The following PTCH2 variants were observed in gnomAD, a reference collection of about 807,000 sequenced individuals.
The protein encoded by PTCH2 is patched 2, also known as protein patched homolog 2.
A neutral mutation model predicts 117.9 loss-of-function variants in PTCH2; 96 were observed. The observed-to-expected ratio is 0.81, with a 90% CI of 0.69 to 0.96. The LOEUF (loss-of-function observed/expected upper bound fraction) is 0.96. Among genes scored for constraint, PTCH2 ranks in the 50% least tolerant of loss-of-function variants. The pLI is 0.00. For missense variants in PTCH2, 1,379 were observed against 1,562.5 expected, an observed-to-expected ratio of 0.88 and a Z score of 1.98; for synonymous variants, 615 against 660.9, an observed-to-expected ratio of 0.93 and a Z score of 1.06.
intron 19 of PTCH2, among the ~76,000 whole-genome samples, chr1:44,825,457 C>A (rs1368218805): frequency 6.6e-6 from 1 of 152,110 alleles, no homozygotes; most frequent in Non-Finnish European, 1.5e-5. Context: ...TATCTCTATC[C>A]CTAGAATATA....
chr1:44,840,189 G>A (rs932691357), intron 2 of PTCH2, among the ~76,000 whole-genome samples: 6 of 147,510 alleles, frequency 4.1e-5, no homozygotes, highest in African/African-American at 1.3e-4. Context: ...TGCAACCTCC[G>A]CCTCCCAGGT....
Position 44,823,680 on chromosome 1 carries a change from T to C in PTCH2, c.3115-295A>G, listed in dbSNP as rs543710696. On this transcript the variant is annotated intron_variant, in intron 19 of 21. Transcript: ENST00000372192. The surrounding 1 kb of genome is among the most constrained non-coding windows in gnomAD (Gnocchi z 5.1). ...AAGCCCGGGCACGGTGGCTCATGCC[T>C]GTAATCCCAGCACTTTGGGAGGCTG... Among the ~76,000 whole-genome samples, 1 of 152,008 alleles carries C rather than the reference T, an allele frequency of 6.6e-6. No individual in the cohort carries two copies. Among genetic ancestry groups the C allele is most frequent in the East Asian group, 1.9e-4 (1 of 5,162 alleles).
chr1:44,840,389 C>T (rs866907076), intron 2 of PTCH2, among the ~76,000 whole-genome samples: 2 of 147,048 alleles, frequency 1.4e-5, no homozygotes, highest in Non-Finnish European at 3.0e-5. Context: ...CGTGAGCCAC[C>T]GTGCCTGGCC....
rs564259198 is a variant in PTCH2 at position 44,830,477 on chromosome 1, C to T, written c.813+371G>A. ...AATTAGCCGGGCATGGTGGTGGGCA[C>T]CTGTAATCCCAGCTACTCAGGAGGC... is the stretch of plus-strand genomic sequence containing the variant. On this transcript the variant is annotated intron_variant, in intron 6 of 21. Transcript: ENST00000372192. 2.0e-5 allele frequency among the ~76,000 whole-genome samples: 3 copies of T among 151,568 alleles called. No individual in the cohort carries two copies. The East Asian group carries it at 5.8e-4, about 29-fold the overall frequency.
rs1653222958 is a variant in PTCH2, at chr1:44,827,636, G to C, written c.2137C>G (p.Leu713Val). The part of the protein sequence containing the change: ...GATLVQDGLA[L>V]TDVVPRGTKE... ...GTGCCCCGAGGCACCACATCCGTCA[G>C]GGCCAGGCCGTCTTGCACCAAGGTG... The change falls in exon 15 of 22, where the codon CTG (leucine) becomes GTG (valine). Residue 713 changes from leucine to valine, a missense_variant. Physicochemically the swap from Leu to Val is conservative, Grantham distance 32. Coordinates refer to ENST00000372192, the MANE Select transcript of PTCH2 (RefSeq NM_003738.5). 2.5e-6 allele frequency: 4 copies of C among 1,613,484 alleles called. No homozygotes were observed. Among genetic ancestry groups the C allele is most frequent in the Non-Finnish European group, 1.7e-6 (2 of 1,180,036 alleles).
In PTCH2 at chr1:44,823,347, G is replaced by C. The variant is rs369544360; in HGVS notation, c.3153C>G (p.Ala1051=). Residue 1051 remains alanine (A), a synonymous_variant, in exon 20 of 22, where the codon GCC becomes GCG. Transcript: ENST00000372192. The surrounding 1 kb of genome is among the most constrained non-coding windows in gnomAD (Gnocchi z 5.1). ...LTTQGSRNLR[A]AHALEHTFAP... is the part of the protein sequence containing the mutation. ...CAAATGTGTGCTCAAGGGCATGGGCGGCCCGCAGGTTCCGGCTGCCCTGGG... is the reference window on the plus strand; with the variant it reads ...CAAATGTGTGCTCAAGGGCATGGGCCGCCCGCAGGTTCCGGCTGCCCTGGG... 1 of 1,614,096 alleles carries C rather than the reference G, an allele frequency of 6.2e-7. No homozygotes were observed. The highest frequency in any genetic ancestry group is 1.3e-5 in the African/African-American group (1 of 74,932).
downstream of PTCH2, chr1:44,820,674 G>C (rs1186546731): frequency 2.8e-6 from 2 of 717,720 alleles, no homozygotes; most frequent in Admixed American, 4.0e-5. Flanking sequence ...GGGGTGCTGG[G>C]GTGGGAGGCA....
chr1:44,822,529 T>G lies in PTCH2; in HGVS notation c.3498A>C (p.Pro1166=), dbSNP rs1573638236. The change falls in exon 22 of 22, where the codon CCA becomes CCC. Residue 1166 remains proline, a synonymous_variant. Coordinates refer to ENST00000372192, the MANE Select transcript of PTCH2 (RefSeq NM_003738.5). ...VTTSMTVAIH[P]PPLPGAYIHP... is the part of the protein sequence containing the mutation. ...GGATGTAGGCACCAGGCAGGGGGGG[T>G]GGGTGGATGGCCACGGTCATGGAGG... is the stretch of plus-strand genomic sequence containing the variant. 1.2e-6 allele frequency: 2 copies of G among 1,612,384 alleles called. No homozygotes were observed. Among genetic ancestry groups the G allele is most frequent in the South Asian group, 1.1e-5 (1 of 90,996 alleles).
chr1:44,828,266 G>A lies in PTCH2; in HGVS notation c.1709+30C>T, dbSNP rs371653887. 3.8e-5 allele frequency: 62 copies of A among 1,613,186 alleles called. 1 individual carries two copies. Among genetic ancestry groups the A allele is most frequent in the Middle Eastern group, 3.3e-4 (2 of 6,060 alleles). On this transcript the variant is annotated intron_variant, in intron 13 of 21. Coordinates refer to ENST00000372192, the MANE Select transcript of PTCH2 (RefSeq NM_003738.5). ...GAGGGGACAGGCTGGCGTGGGTCACGGGAGGAAGGGGCTGGGGCGCAGGCA... is the reference window on the plus strand; with the variant it reads ...GAGGGGACAGGCTGGCGTGGGTCACAGGAGGAAGGGGCTGGGGCGCAGGCA...
rs111471526 is a variant in PTCH2, at chr1:44,827,254, C to T, written c.2427G>A (p.Ser809=). The change falls in exon 16 of 22, where the codon TCG becomes TCA. Residue 809 remains serine (S), a synonymous_variant. Transcript: ENST00000372192. ...DWASGRITRH[S]YRNGSEDGAL... is the part of the protein sequence containing the mutation. Reference sequence around the variant, plus strand: ...CCCCATCCTCAGAGCCATTGCGGTACGAGTGGCGGGTGATGCGCCCAGAAG... The same window carrying T: ...CCCCATCCTCAGAGCCATTGCGGTATGAGTGGCGGGTGATGCGCCCAGAAG... 8.1e-6 allele frequency: 13 copies of T among 1,614,022 alleles called. No individual in the cohort carries two copies. Among genetic ancestry groups the T allele is most frequent in the African/African-American group, 8.0e-5 (6 of 74,940 alleles).
At position 44,826,921 on chromosome 1, in the gene PTCH2, G is replaced by C; in HGVS notation, c.2676C>G (p.Thr892=). Residue 892 remains threonine, a synonymous_variant, in exon 17 of 22, where the codon ACC becomes ACG. Coordinates refer to ENST00000372192, the MANE Select transcript of PTCH2 (RefSeq NM_003738.5). This position sits in a 1 kb window ranked among gnomAD's most constrained non-coding sequence, Gnocchi z 5.1. ...PPEWLHDKYD[T]TGENLRIPPA... ...ACTCACTGCGAAGGTTCTCCCCCGT[G>C]GTGTCGTATTTGTCGTGCAGCCATT... 1 of 1,614,028 alleles carries C rather than the reference G, an allele frequency of 6.2e-7. No individual in the cohort carries two copies. The highest frequency in any genetic ancestry group is 1.1e-5 in the South Asian group (1 of 91,084).
At chr1:44,821,176 G>A (rs1396016885), downstream of PTCH2, among the ~76,000 whole-genome samples, 2 of 152,248 alleles carry the variant, frequency 1.3e-5, no homozygotes, top group East Asian at 3.9e-4. Context: ...TGGCTGGGAA[G>A]GGGCAGTTGC....
rs780375153 is a variant in PTCH2 at position 44,828,197 on chromosome 1, A to G, written c.1710-6T>C. 3.1e-6 allele frequency: 5 copies of G among 1,613,360 alleles called. No individual in the cohort carries two copies. Among genetic ancestry groups the G allele is most frequent in the East Asian group, 2.2e-5 (1 of 44,890 alleles). On this transcript the variant is annotated splice_polypyrimidine_tract_variant and splice_region_variant and intron_variant, in intron 13 of 21. Transcript: ENST00000372192. ...TCACCTGAGCAGAGCAGGGACTGGAAGAGGTAGAGAGTGGATGACAGGTCT... is the reference window on the plus strand; with the variant it reads ...TCACCTGAGCAGAGCAGGGACTGGAGGAGGTAGAGAGTGGATGACAGGTCT...
At chr1:44,840,431 C>G (rs542768528) in intron 2 of PTCH2, among the ~76,000 whole-genome samples, 1 of 144,134 alleles carries the variant, frequency 6.9e-6, no homozygotes, top group Admixed American at 6.8e-5. Flanking sequence ...ATCATTCTGG[C>G]CAGGCACGGT....
At chr1:44,827,132 C>A (rs1168610189) in intron 16 of PTCH2, 35 bp downstream of exon 16, 10 of 1,613,888 alleles carry the variant, frequency 6.2e-6, no homozygotes, top group Non-Finnish European at 7.6e-6. Flanking sequence ...GCCTGCAGCC[C>A]CTGTACTAGT....
rs754069411 is a variant in PTCH2 at position 44,827,148 on chromosome 1, C to G, written c.2514+19G>C. 2.5e-6 allele frequency: 4 copies of G among 1,614,020 alleles called. No individual in the cohort carries two copies. ...CCTGCAGCCCCTGTACTAGTGGACCCCTCCAGCCCTCTCCCAACCTGGCTG... is the reference window on the plus strand; with the variant it reads ...CCTGCAGCCCCTGTACTAGTGGACCGCTCCAGCCCTCTCCCAACCTGGCTG... On this transcript the variant is annotated intron_variant, in intron 16 of 21. Transcript: ENST00000372192.
rs1653413707 is a variant in PTCH2 at position 44,830,847 on chromosome 1, C to A, written c.813+1G>T. On this transcript the variant is annotated splice_donor_variant, in intron 6 of 21. Coordinates refer to ENST00000372192, the MANE Select transcript of PTCH2 (RefSeq NM_003738.5). LOFTEE classifies it high-confidence loss of function. ...CCCTGGCAGACCTGGTTGGAACCCA[C>A]CTGCCTGCTGTGATGGTTGGGGGCA... is the stretch of plus-strand genomic sequence containing the variant. 1 of 1,546,020 alleles carries A rather than the reference C, an allele frequency of 6.5e-7. No homozygotes were observed. The highest frequency in any genetic ancestry group is 8.8e-7 in the Non-Finnish European group (1 of 1,139,506).
At chr1:44,838,691 T>A (rs1653793639) in intron 2 of PTCH2, among the ~76,000 whole-genome samples, 1 of 152,184 alleles carries the variant, frequency 6.6e-6, no homozygotes, top group Non-Finnish European at 1.5e-5. Context: ...ATAGCCAATG[T>A]TCGGTTTCTT....
intron 2 of PTCH2, among the ~76,000 whole-genome samples, chr1:44,840,762 C>T (rs1257950199): frequency 3.9e-5 from 6 of 151,980 alleles, no homozygotes; most frequent in Non-Finnish European, 7.4e-5. Context: ...GGTGTGGTGG[C>T]TTATGCCTGT....
Sources: gnomAD v4.1 joint callset for allele counts (sites outside exome capture counted in the v4.1 genomes callset) on GRCh38, gnomAD v4.1.1 for gene constraint, Gnocchi (gnomAD v3.1) non-coding constraint, MANE v1.5 for transcripts, NCBI Gene and HGNC (gene_info 2026-07-23, HGNC 2026-07-21) for gene names.